The following ZEB1 variants were observed in gnomAD, a reference collection of about 807,000 sequenced individuals.
ZEB1 encodes the protein zinc finger E-box-binding homeobox 1.
ZEB1 carries 21 observed loss-of-function variants against 84.9 expected under a neutral mutation model. The ratio of observed to expected loss-of-function variants is 0.25; its 90% confidence interval spans 0.18 to 0.36. ZEB1 has a LOEUF of 0.36. Ranked by LOEUF, ZEB1 falls within the 10% of genes least tolerant of loss-of-function variation. ZEB1 has a pLI of 1.00. For missense variants in ZEB1, 1,104 were observed against 1,330.2 expected, an observed-to-expected ratio of 0.83 and a Z score of 2.65; for synonymous variants, 420 against 471.1, an observed-to-expected ratio of 0.89 and a Z score of 1.41.
chr10:31,414,238 A>G lies in ZEB1; in HGVS notation c.59-46799A>G, dbSNP rs149318394. Among the ~76,000 whole-genome samples the G allele has an allele frequency of 4.5e-4, 68 of 152,364 alleles. No individual in the cohort carries two copies. In the East Asian group the frequency reaches 0.012, roughly 26 times the overall value. ...GCATGGCACATAATAGTTGAGCTTT[A>G]ATTGTACATGTTACTTGTTTTTTCT... On this transcript the variant is annotated intron_variant, in intron 1 of 8. Transcript: ENST00000424869.
At chr10:31,373,218 T>C in intron 1 of ZEB1, 1 of 978,078 alleles carries the variant, frequency 1.0e-6, no homozygotes, top group Non-Finnish European at 1.2e-6. Flanking sequence ...TGTGTGTGTG[T>C]AAAGCCTACC....
chr10:31,329,721 A>G (rs1041275733), intron 1 of ZEB1, among the ~76,000 whole-genome samples: 1 of 152,118 alleles, frequency 6.6e-6, no homozygotes, highest in Non-Finnish European at 1.5e-5. Context: ...ACAATTGTCC[A>G]TGTTTTTAAT....
At chr10:31,373,193 TTGTG>T (rs527915359) in intron 1 of ZEB1, 366 of 971,136 alleles carry the variant, frequency 3.8e-4, no homozygotes, top group African/African-American at 5.7e-4. Context: ...TTCATTTAAA[TTGTG>T]TGTGTGTGTG....
chr10:31,460,759 G>C (rs1296423212), intron 1 of ZEB1, among the ~76,000 whole-genome samples: 1 of 152,018 alleles, frequency 6.6e-6, no homozygotes, highest in Non-Finnish European at 1.5e-5. Flanking sequence ...ATTTCATAAG[G>C]CTGTTATAAG....
chr10:31,341,977 T>C (rs1564521744), intron 1 of ZEB1, among the ~76,000 whole-genome samples: 1 of 152,140 alleles, frequency 6.6e-6, no homozygotes, highest in Non-Finnish European at 1.5e-5. Flanking sequence ...GGAAACCAAG[T>C]TGTTTGAAGT....
intron 1 of ZEB1, among the ~76,000 whole-genome samples, chr10:31,360,320 A>C (rs1239025875): frequency 2.0e-5 from 3 of 152,214 alleles, no homozygotes; most frequent in African/African-American, 7.2e-5. Flanking sequence ...TGAGACCTTA[A>C]GCAAGTTCAC....
At chr10:31,437,850 A>T (rs900634062) in intron 1 of ZEB1, among the ~76,000 whole-genome samples, 5 of 152,246 alleles carry the variant, frequency 3.3e-5, no homozygotes, top group Non-Finnish European at 4.4e-5. Context: ...AATAAAATGA[A>T]TTAGAATGTA....
rs551424087 is a variant in ZEB1 at position 31,504,172 on chromosome 10, A to G, written c.484+1663A>G. Among the ~76,000 whole-genome samples, 10 of 152,086 alleles carry G rather than the reference A, an allele frequency of 6.6e-5. No homozygotes were observed. In the South Asian group the frequency reaches 2.1e-3, roughly 32 times the overall value. ...ATAGGAGTCCAGTTTCATTCTTCAC[A>G]TGTTAATATTCAGTTTTCCCAGCAC... On this transcript the variant is annotated intron_variant, in intron 4 of 8. Coordinates refer to ENST00000424869, the MANE Select transcript of ZEB1 (RefSeq NM_001174096.2).
chr10:31,426,392 TC>T (rs2056929843), intron 1 of ZEB1, among the ~76,000 whole-genome samples: 1 of 152,154 alleles, frequency 6.6e-6, no homozygotes. Context: ...TTAGAGAACT[TC>T]CTGTAGGTAT....
At chr10:31,410,359 T>A (rs1234232315) in intron 1 of ZEB1, among the ~76,000 whole-genome samples, 2 of 152,182 alleles carry the variant, frequency 1.3e-5, no homozygotes, top group Non-Finnish European at 2.9e-5. Context: ...GAAGCTGACC[T>A]AATCGTGGTG....
chr10:31,479,468 C>G (rs1258118939), intron 2 of ZEB1, among the ~76,000 whole-genome samples: 2 of 151,810 alleles, frequency 1.3e-5, no homozygotes, highest in East Asian at 3.9e-4. Context: ...AGGCCAGCAT[C>G]TCTGGTGAAG....
At position 31,346,788 on chromosome 10, in the gene ZEB1, C is replaced by G. The variant is rs955954944; in HGVS notation, c.58+27496C>G. On this transcript the variant is annotated intron_variant, in intron 1 of 8. Coordinates refer to ENST00000424869, the MANE Select transcript of ZEB1 (RefSeq NM_001174096.2). ...GTCAAATTACATACATTGTAAGTCCCATTTCTGTCTTAAAAGTATAACCAT... is the reference window on the plus strand; with the variant it reads ...GTCAAATTACATACATTGTAAGTCCGATTTCTGTCTTAAAAGTATAACCAT... Among the ~76,000 whole-genome samples, 6 of 152,070 alleles carry G rather than the reference C, an allele frequency of 3.9e-5. No homozygotes were observed. In the South Asian group the frequency reaches 1.0e-3, roughly 26 times the overall value.
intron 2 of ZEB1, among the ~76,000 whole-genome samples, chr10:31,465,618 C>G (rs571754410): frequency 1.4e-4 from 22 of 152,014 alleles, no homozygotes; most frequent in Admixed American, 2.6e-4. Context: ...TGTTACTATG[C>G]ATGTTTTTAA....
intron 1 of ZEB1, chr10:31,319,590 C>T: frequency 2.5e-6 from 1 of 397,360 alleles, no homozygotes; most frequent in South Asian, 4.6e-5. Flanking sequence ...GACGCCGCCG[C>T]ATCCCCGGCG....
intron 6 of ZEB1, among the ~76,000 whole-genome samples, chr10:31,516,064 T>C (rs948141428): frequency 1.3e-5 from 2 of 152,036 alleles, no homozygotes; most frequent in African/African-American, 4.8e-5. Context: ...TAATACAAAG[T>C]TGGAAAGTAT....
At chr10:31,399,135 C>T (rs2051407693) in intron 1 of ZEB1, among the ~76,000 whole-genome samples, 1 of 152,000 alleles carries the variant, frequency 6.6e-6, no homozygotes, top group Admixed American at 6.6e-5. Context: ...GCGGGGATTA[C>T]AGGCGTGTGC....
At chr10:31,445,565 C>A (rs957890537) in intron 1 of ZEB1, among the ~76,000 whole-genome samples, 21 of 152,144 alleles carry the variant, frequency 1.4e-4, no homozygotes, top group African/African-American at 5.1e-4. Context: ...TCATAGATAG[C>A]TCTTATTATT....
At chr10:31,419,977 G>T (rs933987328) in intron 1 of ZEB1, among the ~76,000 whole-genome samples, 2 of 152,106 alleles carry the variant, frequency 1.3e-5, no homozygotes, top group Non-Finnish European at 2.9e-5. Context: ...TCAGTATCTG[G>T]AATATCCTAG....
chr10:31,331,339 G>A (rs1182409799), intron 1 of ZEB1, among the ~76,000 whole-genome samples: 1 of 151,912 alleles, frequency 6.6e-6, no homozygotes, highest in Non-Finnish European at 1.5e-5. Context: ...GCCTGCCTCA[G>A]CCTCCCAAAG....
Sources: allele counts gnomAD v4.1 joint callset (sites outside exome capture counted in the v4.1 genomes callset), GRCh38; gene constraint gnomAD v4.1.1; transcripts MANE v1.5; gene names NCBI Gene and HGNC (gene_info 2026-07-23, HGNC 2026-07-21).